The following ADCY9 variants were observed in gnomAD, a reference collection of about 807,000 sequenced individuals.
ADCY9 encodes adenylate cyclase type 9.
Under a neutral mutation model 101.5 loss-of-function variants are expected in ADCY9, and 50 were observed. The ratio of observed to expected loss-of-function variants is 0.49; its 90% CI spans 0.39 to 0.62. The LOEUF (loss-of-function observed/expected upper bound fraction) is 0.62, where lower values mean the gene tolerates loss of function less well. Ranked by LOEUF, ADCY9 falls within the 20% of genes least tolerant of loss-of-function variation. The pLI is 0.00. For synonymous variants in ADCY9, 905 were observed against 769.3 expected (o/e 1.18, Z -2.92); for missense variants, 1,662 against 1,800.4 (o/e 0.92, Z 1.39).
At chr16:3,970,913 G>C (rs997452105) in intron 10 of ADCY9, among the ~76,000 whole-genome samples, 1 of 152,140 alleles carries the variant, frequency 6.6e-6, no homozygotes, top group Non-Finnish European at 1.5e-5. Context: ...CCAGCCTAAG[G>C]TTCCGTGCAG....
chr16:4,003,198 C>T (rs1402553745), intron 3 of ADCY9, among the ~76,000 whole-genome samples: 1 of 152,182 alleles, frequency 6.6e-6, no homozygotes, highest in African/African-American at 2.4e-5. Flanking sequence ...GACTTGGTTA[C>T]GGCCGAGAGC....
chr16:4,083,832 T>C (rs1418089657), intron 2 of ADCY9, among the ~76,000 whole-genome samples: 4 of 152,026 alleles, frequency 2.6e-5, no homozygotes, highest in African/African-American at 9.7e-5. Flanking sequence ...GAAAGCAGCT[T>C]AGGGGCTGCC....
rs145539288 is a variant in ADCY9 at position 4,049,448 on chromosome 16, A to G, written c.1694-41890T>C. ...CAGACCAAGACCCTAGCCGAGCCCA[A>G]GGATGCTGGCTAATCAAATAGTAAA... On this transcript the variant is annotated intron_variant, in intron 2 of 10. Coordinates refer to ENST00000294016, the MANE Select transcript of ADCY9 (RefSeq NM_001116.4). Among the ~76,000 whole-genome samples the G allele has an allele frequency of 5.6e-3, 846 of 152,286 alleles. 4 individuals carry two copies. The highest frequency in any genetic ancestry group is 0.018 in the African/African-American group (767 of 41,560).
chr16:4,007,682 A>G, intron 2 of ADCY9, 124 bp from the exon 3 acceptor site: 1 of 784,478 alleles, frequency 1.3e-6, no homozygotes, highest in Non-Finnish European at 2.0e-6. Context: ...AAATGTGAAT[A>G]GGTCATAGTT....
chr16:4,067,318 G>A (rs1468475033), intron 2 of ADCY9, among the ~76,000 whole-genome samples: 1 of 152,168 alleles, frequency 6.6e-6, no homozygotes, highest in Non-Finnish European at 1.5e-5. Context: ...AATAACACCA[G>A]CTCACAAGGA....
chr16:3,966,464 C>T lies in ADCY9; in HGVS notation c.3373G>A (p.Ala1125Thr). ...TCCTGCGGGTGGCTGCCGTCCTGGG[C>T]CTGCGCGGTGTTCAGCCCTGACGCC... Reference protein sequence around the residue: ...MAASGLNTAQAQDGSHPQEHL... With the variant: ...MAASGLNTAQTQDGSHPQEHL... The change falls in exon 11 of 11, where the codon GCC (alanine) becomes ACC (threonine). Residue 1125 changes from alanine (A) to threonine (T), a missense_variant. Coordinates refer to ENST00000294016, the MANE Select transcript of ADCY9 (RefSeq NM_001116.4). The T allele has an allele frequency of 1.9e-6, 3 of 1,614,110 alleles. No individual in the cohort carries two copies. Among genetic ancestry groups the T allele is most frequent in the Non-Finnish European group, 2.5e-6 (3 of 1,180,046 alleles).
At chr16:4,001,775 A>C (rs2056333015) in intron 3 of ADCY9, among the ~76,000 whole-genome samples, 1 of 146,410 alleles carries the variant, frequency 6.8e-6, no homozygotes, top group African/African-American at 2.5e-5. Context: ...TTTGAGATGG[A>C]ATCTCACTCT....
At chr16:3,997,191 C>T (rs1307435771) in intron 3 of ADCY9, among the ~76,000 whole-genome samples, 2 of 152,174 alleles carry the variant, frequency 1.3e-5, no homozygotes, top group Admixed American at 6.5e-5. Context: ...AAGACGAGGC[C>T]GCCTGCTTCT....
At chr16:3,970,624 G>C (rs951999849) in intron 10 of ADCY9, among the ~76,000 whole-genome samples, 9 of 152,182 alleles carry the variant, frequency 5.9e-5, no homozygotes, top group Non-Finnish European at 1.5e-5. Context: ...CACCATGCCC[G>C]GCCAAAAGCT....
Position 3,968,156 on chromosome 16 carries a change from C to CT in ADCY9, c.2871-1191dup, listed in dbSNP as rs549798529. 4.0e-3 allele frequency among the ~76,000 whole-genome samples: 605 copies of CT among 151,320 alleles called. 4 individuals are homozygous for CT. Among genetic ancestry groups the CT allele is most frequent in the African/African-American group, 7.3e-3 (300 of 41,252 alleles). ...TCTGATATATTTGGTTCTTAGATTTCTTTTTTTTTGAGACGGAGTTTTGCT... is the reference window on the plus strand; with the variant it reads ...TCTGATATATTTGGTTCTTAGATTTCTTTTTTTTTTGAGACGGAGTTTTGCT... On this transcript the variant is annotated intron_variant, in intron 10 of 10. Transcript: ENST00000294016.
At chr16:4,072,154 C>T (rs1044693868) in intron 2 of ADCY9, among the ~76,000 whole-genome samples, 1 of 152,218 alleles carries the variant, frequency 6.6e-6, no homozygotes, top group Admixed American at 6.5e-5. Flanking sequence ...GACCAAGGCA[C>T]TGCTGCTAAA....
At chr16:4,071,817 T>G (rs1567136987) in intron 2 of ADCY9, among the ~76,000 whole-genome samples, 2 of 151,986 alleles carry the variant, frequency 1.3e-5, no homozygotes, top group Non-Finnish European at 2.9e-5. Context: ...TCTGGGTTTT[T>G]TTGTTTGGTT....
intron 2 of ADCY9, among the ~76,000 whole-genome samples, chr16:4,067,913 G>A (rs1044688391): frequency 6.6e-6 from 1 of 152,092 alleles, no homozygotes; most frequent in African/African-American, 2.4e-5. Context: ...TGCACTTTTG[G>A]TGAAAAACTG....
intron 2 of ADCY9, among the ~76,000 whole-genome samples, chr16:4,029,475 G>A (rs886747589): frequency 3.3e-5 from 5 of 152,120 alleles, no homozygotes; most frequent in Non-Finnish European, 5.9e-5. Flanking sequence ...GGCCAGGCCC[G>A]GGGGCTCACA....
At chr16:4,004,251 T>TA (rs71133681) in intron 3 of ADCY9, among the ~76,000 whole-genome samples, 42,090 of 107,582 alleles carry the variant, frequency 0.39, 9,098 homozygotes, top group Non-Finnish European at 0.49. Context: ...CCCATCTCTT[T>TA]AAAAAAAAAA....
At chr16:4,061,596 A>T (rs2056773794) in intron 2 of ADCY9, among the ~76,000 whole-genome samples, 1 of 152,224 alleles carries the variant, frequency 6.6e-6, no homozygotes, top group Non-Finnish European at 1.5e-5. Flanking sequence ...CTTCCAATCA[A>T]GAATTCCATA....
At chr16:4,075,740 G>A (rs755378832) in intron 2 of ADCY9, among the ~76,000 whole-genome samples, 12 of 152,156 alleles carry the variant, frequency 7.9e-5, no homozygotes, top group Non-Finnish European at 1.3e-4. Flanking sequence ...ATGGCGGCTG[G>A]GGCAGCGGGG....
chr16:4,041,356 T>C (rs2056625149), intron 2 of ADCY9, among the ~76,000 whole-genome samples: 1 of 151,906 alleles, frequency 6.6e-6, no homozygotes, highest in African/African-American at 2.4e-5. Context: ...ACACAAAATG[T>C]AGCTGGGCGT....
At chr16:4,068,476 A>G (rs528071540) in intron 2 of ADCY9, among the ~76,000 whole-genome samples, 16 of 152,238 alleles carry the variant, frequency 1.1e-4, no homozygotes, top group African/African-American at 3.9e-4. Flanking sequence ...TTTATGGAAA[A>G]TGAGATCATG....
Sources: gnomAD v4.1 joint callset for allele counts (sites outside exome capture counted in the v4.1 genomes callset) on GRCh38, gnomAD v4.1.1 for gene constraint, MANE v1.5 for transcripts, NCBI Gene and HGNC (gene_info 2026-07-23, HGNC 2026-07-21) for gene names.